Variants in CTNND2 observed in about 807,000 individuals in gnomAD.
The protein encoded by CTNND2 is catenin delta-2.
Under a neutral mutation model 144.4 loss-of-function variants are expected in CTNND2, and 22 were observed. The observed-to-expected ratio is 0.15, with a 90% CI of 0.11 to 0.22. The LOEUF (loss-of-function observed/expected upper bound fraction) is 0.22. Among genes scored for constraint, CTNND2 ranks in the 10% least tolerant of loss-of-function variants. The pLI, the probability that CTNND2 is intolerant of heterozygous loss-of-function variation, is 1.00. For synonymous variants in CTNND2, 751 were observed against 695.6 expected, an observed-to-expected ratio of 1.08 and a Z score of -1.25; for missense variants, 1,353 against 1,618.8, an observed-to-expected ratio of 0.84 and a Z score of 2.82.
chr5:11,801,360 C>T (rs1791673213), intron 1 of CTNND2, among the ~76,000 whole-genome samples: 1 of 152,172 alleles, frequency 6.6e-6, no homozygotes, highest in Admixed American at 6.5e-5. Context: ...GATACAGTTG[C>T]TTCTGAACCT....
intron 3 of CTNND2, among the ~76,000 whole-genome samples, chr5:11,523,189 G>A (rs1445129080): frequency 6.6e-6 from 1 of 152,100 alleles, no homozygotes; most frequent in Non-Finnish European, 1.5e-5. Flanking sequence ...TTTTTCCAAG[G>A]CTTGTTCCAG....
At chr5:11,549,811 T>C (rs1474997650) in intron 3 of CTNND2, among the ~76,000 whole-genome samples, 1 of 152,188 alleles carries the variant, frequency 6.6e-6, no homozygotes, top group Non-Finnish European at 1.5e-5. Flanking sequence ...AGCTATGTTA[T>C]CATACACATA....
At chr5:11,404,071 A>C (rs1423456219) in intron 5 of CTNND2, among the ~76,000 whole-genome samples, 1 of 152,230 alleles carries the variant, frequency 6.6e-6, no homozygotes, top group African/African-American at 2.4e-5. Flanking sequence ...TAGTCACTCA[A>C]AATGTTTCCA....
At chr5:11,869,072 G>A (rs1251438065) in intron 1 of CTNND2, among the ~76,000 whole-genome samples, 1 of 152,110 alleles carries the variant, frequency 6.6e-6, no homozygotes, top group African/African-American at 2.4e-5. Context: ...CATTAGAATG[G>A]CCATACTTTA....
intron 11 of CTNND2, among the ~76,000 whole-genome samples, chr5:11,175,465 C>T (rs1316862912): frequency 6.6e-6 from 1 of 152,146 alleles, no homozygotes; most frequent in Non-Finnish European, 1.5e-5. Flanking sequence ...TCCCAGCACG[C>T]ACGCTGTTCG....
At chr5:11,286,051 T>C (rs1747716774) in intron 9 of CTNND2, among the ~76,000 whole-genome samples, 1 of 135,946 alleles carries the variant, frequency 7.4e-6, no homozygotes, top group African/African-American at 2.7e-5. Flanking sequence ...GATATCCACA[T>C]GAAAAAAAAA....
intron 16 of CTNND2, among the ~76,000 whole-genome samples, chr5:11,058,077 G>A (rs1746527948): frequency 6.6e-6 from 1 of 152,224 alleles, no homozygotes; most frequent in Non-Finnish European, 1.5e-5. Flanking sequence ...GAGCATAAAA[G>A]TTTGGAAAAC....
intron 2 of CTNND2, among the ~76,000 whole-genome samples, chr5:11,648,591 G>A (rs1222304798): frequency 6.6e-6 from 1 of 152,068 alleles, no homozygotes; most frequent in Non-Finnish European, 1.5e-5. Flanking sequence ...CCTGATGCCT[G>A]TTTTGCTATA....
At chr5:11,075,320 T>C (rs1748827057) in intron 16 of CTNND2, among the ~76,000 whole-genome samples, 1 of 152,112 alleles carries the variant, frequency 6.6e-6, no homozygotes, top group Non-Finnish European at 1.5e-5. Context: ...CTCAGCTAGT[T>C]GGTAAAGTGA....
chr5:11,733,933 G>A (rs1166690871), intron 1 of CTNND2, among the ~76,000 whole-genome samples: 2 of 152,132 alleles, frequency 1.3e-5, no homozygotes, highest in East Asian at 3.9e-4. Flanking sequence ...AATACCCAAG[G>A]TGATGGTACT....
intron 11 of CTNND2, among the ~76,000 whole-genome samples, chr5:11,162,259 CT>C (rs1758847323): frequency 6.6e-6 from 1 of 152,018 alleles, no homozygotes. Flanking sequence ...GAGAATACAG[CT>C]ATTTTTACTG....
intron 1 of CTNND2, among the ~76,000 whole-genome samples, chr5:11,814,571 G>A (rs1792524041): frequency 6.6e-6 from 1 of 152,198 alleles, no homozygotes. Flanking sequence ...GAAAGTGAGT[G>A]GCTCCTGGCC....
At chr5:11,208,995 C>T (rs556799451) in intron 10 of CTNND2, among the ~76,000 whole-genome samples, 2 of 151,852 alleles carry the variant, frequency 1.3e-5, no homozygotes, top group South Asian at 2.1e-4. Context: ...AAATTCTTTA[C>T]CAAAGAGGTA....
chr5:11,844,377 T>C (rs993649164), intron 1 of CTNND2, among the ~76,000 whole-genome samples: 15 of 148,932 alleles, frequency 1.0e-4, no homozygotes, highest in African/African-American at 3.3e-4. Flanking sequence ...CACACACACA[T>C]ATGCACACAC....
In CTNND2 at chr5:11,098,675, A is replaced by G; in HGVS notation, c.2537T>C (p.Ile846Thr). The G allele has an allele frequency of 1.9e-6, 3 of 1,614,166 alleles. No individual in the cohort carries two copies. The highest frequency in any genetic ancestry group is 1.7e-6 in the Non-Finnish European group (2 of 1,180,018). ...GAGCAGTGTGAGGTAGGGTTTGACT[A>G]TTGATGGGTGCCACAGCATCTGGAT... ...KGIQMLWHPSIVKPYLTLLSE... is the reference protein window; with the variant it reads ...KGIQMLWHPSTVKPYLTLLSE... The change falls in exon 15 of 22, where the codon ATA becomes ACA. Residue 846 changes from isoleucine to threonine, a missense_variant. Transcript: ENST00000304623.
At chr5:11,902,287 T>C (rs1737966321) in intron 1 of CTNND2, among the ~76,000 whole-genome samples, 2 of 152,204 alleles carry the variant, frequency 1.3e-5, no homozygotes, top group Non-Finnish European at 2.9e-5. Context: ...TGAGGGCAGT[T>C]TAAAGCATCT....
intron 9 of CTNND2, among the ~76,000 whole-genome samples, chr5:11,274,805 C>A (rs1411553426): frequency 1.3e-5 from 2 of 152,024 alleles, no homozygotes; most frequent in African/African-American, 4.8e-5. Flanking sequence ...GTTGTTGGAA[C>A]AAAGAACTGT....
chr5:11,217,962 T>G (rs1482967621), intron 10 of CTNND2, among the ~76,000 whole-genome samples: 1 of 152,098 alleles, frequency 6.6e-6, no homozygotes, highest in Non-Finnish European at 1.5e-5. Context: ...TCTTGTTGTT[T>G]GGGACCACCT....
At chr5:11,507,516 T>A (rs979670723) in intron 3 of CTNND2, among the ~76,000 whole-genome samples, 6 of 152,144 alleles carry the variant, frequency 3.9e-5, no homozygotes, top group African/African-American at 1.4e-4. Flanking sequence ...TGGTACCACA[T>A]GGGCTCCTAG....
Sources: gnomAD v4.1 joint callset for allele counts (sites outside exome capture counted in the v4.1 genomes callset) on GRCh38, gnomAD v4.1.1 for gene constraint, MANE v1.5 for transcripts, NCBI Gene and HGNC (gene_info 2026-07-23, HGNC 2026-07-21) for gene names.